TBC1D28: variants seen among roughly 807,000 people sequenced by gnomAD.
The protein encoded by TBC1D28 is TBC1 domain family member 28.
Under a neutral mutation model 29.2 loss-of-function variants are expected in TBC1D28, and 20 were observed. The ratio of observed to expected loss-of-function variants is 0.68; its 90% CI spans 0.48 to 0.99. The LOEUF is 0.99. Ranked by LOEUF, TBC1D28 falls within the 50% of genes least tolerant of loss-of-function variation. The pLI is 0.00. For synonymous variants in TBC1D28, 65 were observed against 90.9 expected, an observed-to-expected ratio of 0.71 and a Z score of 1.62; for missense variants, 205 against 243.7, an observed-to-expected ratio of 0.84 and a Z score of 1.06.
exon 8 of TBC1D28, chr17:18,637,893 G>A (rs1567876051): frequency 2.5e-6 from 4 of 1,613,790 alleles, no homozygotes; most frequent in Non-Finnish European, 3.4e-6. Flanking sequence ...TGAACATCAT[G>A]TGTTTCTGCA....
In TBC1D28 at chr17:18,637,057, T is replaced by A. The variant is rs190312906; in HGVS notation, c.498-460A>T. On this transcript the variant is annotated intron_variant, in intron 8 of 8. Coordinates refer to ENST00000345096, the Ensembl canonical transcript of TBC1D28. ...CCTGATCTGTTCTTTGTCTCTATGGTTTGCCCTTTCCCAGAATGGCCAATG... is the reference window on the plus strand; with the variant it reads ...CCTGATCTGTTCTTTGTCTCTATGGATTGCCCTTTCCCAGAATGGCCAATG... Among the ~76,000 whole-genome samples, 159 of 98,376 alleles carry A rather than the reference T, an allele frequency of 1.6e-3. 2 individuals carry two copies. Among genetic ancestry groups the A allele is most frequent in the Admixed American group, 3.4e-3 (31 of 9,120 alleles). The allele number at this position is 98,376 out of a possible 152,430, so 64.5% of individuals were successfully genotyped here.
chr17:18,638,657 C>A (rs1326897799), exon 6 of TBC1D28: 1 of 1,614,178 alleles, frequency 6.2e-7, no homozygotes, highest in East Asian at 2.2e-5. Flanking sequence ...AGTCTGCAAG[C>A]ATCTTTTGCC....
At chr17:18,636,437 G>A (rs370901643) in exon 9 of TBC1D28, 9 of 1,611,656 alleles carry the variant, frequency 5.6e-6, no homozygotes, top group Admixed American at 3.4e-5. Flanking sequence ...TGCCTACTAC[G>A]TCCTGGTGGA....
chr17:18,635,838 AG>A (rs1445526484), exon 9 of TBC1D28: 1 of 990,238 alleles, frequency 1.0e-6, no homozygotes, highest in Non-Finnish European at 1.2e-6. Flanking sequence ...GGGCTGAGCA[AG>A]ACATCGATAG....
chr17:18,638,064 T>TGGAAGGAA (rs1005049370), intron 7 of TBC1D28, 91 bp from the exon 9 acceptor site: 16 of 1,551,604 alleles, frequency 1.0e-5, no homozygotes, highest in Admixed American at 5.1e-5. Flanking sequence ...TCAGCACTTC[T>TGGAAGGAA]GGAAGGAAGG....
intron 4 of TBC1D28, 151 bp from the exon 6 acceptor site, chr17:18,639,365 T>C (rs3865265): frequency 0.28 from 179,679 of 646,370 alleles, 17,963 homozygotes; most frequent in East Asian, 0.75. Flanking sequence ...AGGGCCTCCC[T>C]GCGGATCTGA....
chr17:18,635,419 C>G, exon 9 of TBC1D28: 1 of 658,450 alleles, frequency 1.5e-6, no homozygotes, highest in Non-Finnish European at 1.9e-6. Context: ...CACCTGAGCC[C>G]GAAATTGTCC....
At chr17:18,641,168 T>G (rs1597484136) in intron 3 of TBC1D28, 64 bp from the exon 5 acceptor site, 1 of 1,064,666 alleles carries the variant, frequency 9.4e-7, no homozygotes, top group Non-Finnish European at 1.3e-6. Flanking sequence ...CCCAGGGAGG[T>G]GGGCAGCCCC....
intron 8 of TBC1D28, among the ~76,000 whole-genome samples, chr17:18,637,653 C>G (rs1452644659): frequency 6.6e-6 from 1 of 151,878 alleles, no homozygotes; most frequent in African/African-American, 2.4e-5. Context: ...TTGGGAGTCA[C>G]CTGGGTTCTG....
intron 8 of TBC1D28, 34 bp from the exon 10 acceptor site, chr17:18,636,631 T>G (rs779595061): frequency 1.9e-5 from 30 of 1,601,290 alleles, no homozygotes; most frequent in Admixed American, 1.0e-4. Flanking sequence ...TTTGTTTTTT[T>G]TGTGCAGACG....
chr17:18,634,559 G>A (rs1041475291), downstream of TBC1D28, among the ~76,000 whole-genome samples: 4 of 152,016 alleles, frequency 2.6e-5, no homozygotes, highest in East Asian at 1.9e-4. Flanking sequence ...GAGAAAACGC[G>A]TAATAAAACA....
chr17:18,644,101 C>T (rs1302242622), upstream of TBC1D28, among the ~76,000 whole-genome samples: 86 of 152,086 alleles, frequency 5.7e-4, no homozygotes, highest in Non-Finnish European at 3.4e-4. Flanking sequence ...CCCTAGACAT[C>T]TCACTTGTGG....
exon 9 of TBC1D28, chr17:18,636,049 C>G: frequency 2.0e-6 from 2 of 1,010,980 alleles, no homozygotes; most frequent in Admixed American, 5.4e-5. Flanking sequence ...CTCAGCAGCT[C>G]TCCCTGCCTG....
exon 7 of TBC1D28, chr17:18,638,413 T>C (rs775328184): frequency 1.2e-6 from 2 of 1,614,166 alleles, no homozygotes; most frequent in South Asian, 2.2e-5. Context: ...GCATACTCTT[T>C]GAGACAGCTA....
rs753674568 is a variant in TBC1D28 at position 18,636,606 on chromosome 17, G to A, written c.498-9C>T. ...CACATAATTCCTGCTGCCTAGAAAAGAGGGGAAAGAGGGTTTTGTTTTTTT... is the reference window on the plus strand; with the variant it reads ...CACATAATTCCTGCTGCCTAGAAAAAAGGGGAAAGAGGGTTTTGTTTTTTT... On this transcript the variant is annotated splice_polypyrimidine_tract_variant and intron_variant, in intron 8 of 8. Transcript: ENST00000345096. 1.2e-6 allele frequency: 2 copies of A among 1,604,298 alleles called. No individual in the cohort carries two copies. Among genetic ancestry groups the A allele is most frequent in the South Asian group, 2.2e-5 (2 of 90,300 alleles).
At chr17:18,634,832 CCCTCAGCCT>C (rs1468550780), downstream of TBC1D28, among the ~76,000 whole-genome samples, 5 of 117,704 alleles carry the variant, frequency 4.2e-5, no homozygotes, top group Non-Finnish European at 1.0e-4. Flanking sequence ...GCCCCTCAGC[CCCTCAGCCT>C]CCTCAGCCCC....
rs549149820 is a variant in TBC1D28, at chr17:18,637,791, G to A, written c.497+73C>T. The stretch of plus-strand genomic sequence containing the variant: ...CCTCTCCTGGGTGACCCTGGCCTCT[G>A]CCCTGGGGACAACCTCATTCCTCTG... On this transcript the variant is annotated intron_variant, in intron 8 of 8. Coordinates refer to ENST00000345096, the Ensembl canonical transcript of TBC1D28. 1.6e-5 allele frequency: 26 copies of A among 1,608,228 alleles called. No homozygotes were observed. The South Asian group carries it at 2.4e-4, about 15-fold the overall frequency.
upstream of TBC1D28, chr17:18,644,345 A>C (rs1338440569): frequency 6.6e-6 from 1 of 152,092 alleles, no homozygotes; most frequent in African/African-American, 2.4e-5. Context: ...TTTTCTCAGA[A>C]CCAGACACCT....
exon 7 of TBC1D28, chr17:18,638,322 G>T (rs748229618): frequency 1.2e-6 from 2 of 1,614,058 alleles, no homozygotes; most frequent in African/African-American, 1.3e-5. Context: ...CCTTATATTT[G>T]CCTGGGTTCT....
Sources: gnomAD v4.1 joint callset for allele counts (sites outside exome capture counted in the v4.1 genomes callset) on GRCh38, gnomAD v4.1.1 for gene constraint, MANE v1.5 for transcripts, NCBI Gene and HGNC (gene_info 2026-07-23, HGNC 2026-07-21) for gene names.